Variants in IST1 observed in about 807,000 individuals in gnomAD.
IST1 encodes IST1 homolog.
IST1 carries 23 observed loss-of-function variants against 37.0 expected under a neutral mutation model. The ratio of observed to expected loss-of-function variants is 0.62; its 90% CI spans 0.45 to 0.88. The LOEUF (loss-of-function observed/expected upper bound fraction) is 0.88, where lower values mean the gene tolerates loss of function less well. Ranked by LOEUF, IST1 falls within the 40% of genes least tolerant of loss-of-function variation. The pLI, the probability that IST1 is intolerant of heterozygous loss-of-function variation, is 0.00. For synonymous variants in IST1, 180 were observed against 161.7 expected, an observed-to-expected ratio of 1.11 and a Z score of -0.86; for missense variants, 488 against 445.4, an observed-to-expected ratio of 1.10 and a Z score of -0.86.
chr16:71,897,202 C>A (rs1370635776), intron 1 of IST1, among the ~76,000 whole-genome samples: 1 of 124,084 alleles, frequency 8.1e-6, no homozygotes, highest in East Asian at 2.5e-4. Flanking sequence ...TGGTCGGGGT[C>A]GGGAGGGGAG....
Position 71,929,684 on chromosome 16 carries a change from T to C in IST1, c.*1871T>C, listed in dbSNP as rs777879576. 3 of 1,529,074 alleles carry C rather than the reference T, an allele frequency of 2.0e-6. No individual in the cohort carries two copies. The highest frequency in any genetic ancestry group is 2.6e-6 in the Non-Finnish European group (3 of 1,139,216). The allele number at this position is 1,529,074 out of a possible 1,614,324, so 94.7% of individuals were successfully genotyped here. The stretch of plus-strand genomic sequence containing the variant: ...TCTATTAGTGCAGCTTCTTTCTGAG[T>C]ATTGAAGACAAAAAGAGAAAAGTGA... On this transcript the variant is annotated 3_prime_UTR_variant, in exon 10 of 10. Transcript: ENST00000378799.
chr16:71,929,510 A>G lies in IST1; in HGVS notation c.*1697A>G. 6.5e-7 allele frequency: 1 copy of G among 1,535,840 alleles called. No homozygotes were observed. Among genetic ancestry groups the G allele is most frequent in the South Asian group, 1.2e-5 (1 of 81,108 alleles). On this transcript the variant is annotated 3_prime_UTR_variant, in exon 10 of 10. Coordinates refer to ENST00000378799, the MANE Select transcript of IST1 (RefSeq NM_001270975.2). Reference sequence around the variant, plus strand: ...AAGATAAGTAGTAATACGCTAATAAATACTAAGCCAAGTAGGAGATAACAG... The same window carrying G: ...AAGATAAGTAGTAATACGCTAATAAGTACTAAGCCAAGTAGGAGATAACAG...
intron 1 of IST1, among the ~76,000 whole-genome samples, chr16:71,906,466 C>A (rs1478839942): frequency 6.6e-6 from 1 of 151,684 alleles, no homozygotes; most frequent in Non-Finnish European, 1.5e-5. Flanking sequence ...CGCCACCACG[C>A]CCAGCTAATT....
At chr16:71,904,268 CT>C (rs1354577631) in intron 1 of IST1, among the ~76,000 whole-genome samples, 1 of 152,110 alleles carries the variant, frequency 6.6e-6, no homozygotes, top group Non-Finnish European at 1.5e-5. Context: ...GGATTACAGG[CT>C]TATGCCACCA....
rs1567473778 is a variant in IST1, at chr16:71,923,396, T to C, written c.852+16T>C. 1 of 1,511,926 alleles carries C rather than the reference T, an allele frequency of 6.6e-7. No homozygotes were observed. Among genetic ancestry groups the C allele is most frequent in the South Asian group, 1.1e-5 (1 of 88,748 alleles). The allele number at this position is 1,511,926 out of a possible 1,614,324, so 93.7% of individuals were successfully genotyped here. ...GTATGAATCTGTAAGTGCCTGAGCC[T>C]CTTTTATAAGCAACAGGAGAGTGAA... On this transcript the variant is annotated intron_variant, in intron 8 of 9. Coordinates refer to ENST00000378799, the MANE Select transcript of IST1 (RefSeq NM_001270975.2).
At position 71,930,089 on chromosome 16, in the gene IST1, A is replaced by G. The variant is rs1264075205; in HGVS notation, c.*2276A>G. On this transcript the variant is annotated 3_prime_UTR_variant, in exon 10 of 10. Transcript: ENST00000378799. ...TCTTTCTTTTCCAAAGGCCATGAGAATGGCCGAAACGAAAAGATTAATTAC... is the reference window on the plus strand; with the variant it reads ...TCTTTCTTTTCCAAAGGCCATGAGAGTGGCCGAAACGAAAAGATTAATTAC... The G allele has an allele frequency of 6.4e-7, 1 of 1,551,362 alleles. No individual in the cohort carries two copies. Among genetic ancestry groups the G allele is most frequent in the Non-Finnish European group, 8.7e-7 (1 of 1,146,850 alleles).
intron 1 of IST1, among the ~76,000 whole-genome samples, chr16:71,912,370 TG>T (rs1284197914): frequency 6.6e-6 from 1 of 152,112 alleles, no homozygotes; most frequent in Non-Finnish European, 1.5e-5. Context: ...CCTGAGAAGC[TG>T]GGACTACAGG....
chr16:71,906,027 A>G (rs1226380537), intron 1 of IST1, among the ~76,000 whole-genome samples: 2 of 144,482 alleles, frequency 1.4e-5, no homozygotes, highest in African/African-American at 5.1e-5. Flanking sequence ...TTTTGGAGAC[A>G]GAATCTCACT....
At chr16:71,898,202 C>T (rs1264833074) in intron 1 of IST1, among the ~76,000 whole-genome samples, 4 of 150,682 alleles carry the variant, frequency 2.7e-5, no homozygotes, top group Non-Finnish European at 5.9e-5. Flanking sequence ...TGGTAAAACC[C>T]CTTCTCTACT....
intron 8 of IST1, chr16:71,924,274 T>G: frequency 2.3e-6 from 1 of 432,684 alleles, no homozygotes; most frequent in Non-Finnish European, 4.6e-6. Context: ...TAAAGTTGTC[T>G]TAGTATGGTA....
intron 1 of IST1, among the ~76,000 whole-genome samples, chr16:71,913,514 T>C (rs972010512): frequency 6.6e-6 from 1 of 152,190 alleles, no homozygotes; most frequent in South Asian, 2.1e-4. Flanking sequence ...TGTTTGTTTG[T>C]TTTTGAGACA....
In IST1 at chr16:71,927,607, T is replaced by C. The variant is rs759632580; in HGVS notation, c.902-7T>C. On this transcript the variant is annotated splice_region_variant and splice_polypyrimidine_tract_variant and intron_variant, in intron 9 of 9. Transcript: ENST00000378799. ...ATTTGTAACGTTGTGCTCCTTGCCC[T>C]AATTAGGTCCTGGACCCAAGCCAGA... 9.3e-6 allele frequency: 15 copies of C among 1,608,308 alleles called. No homozygotes were observed. The highest frequency in any genetic ancestry group is 1.3e-5 in the Non-Finnish European group (15 of 1,174,904).
At position 71,902,152 on chromosome 16, in the gene IST1, C is replaced by T. The variant is rs1363341290; in HGVS notation, c.-16+6563C>T. 3.9e-5 allele frequency among the ~76,000 whole-genome samples: 6 copies of T among 152,122 alleles called. No individual in the cohort carries two copies. The East Asian group carries it at 7.7e-4, about 19-fold the overall frequency. Reference sequence around the variant, plus strand: ...ATTTTCACTTAATTCTCATACCAGCCCAAGAGGTGTGAAGGTTCATGTAAT... The same window carrying T: ...ATTTTCACTTAATTCTCATACCAGCTCAAGAGGTGTGAAGGTTCATGTAAT... On this transcript the variant is annotated intron_variant, in intron 1 of 9. Coordinates refer to ENST00000378799, the MANE Select transcript of IST1 (RefSeq NM_001270975.2).
In IST1 at chr16:71,915,617, T is replaced by C; in HGVS notation, c.-15-9T>C. On this transcript the variant is annotated splice_polypyrimidine_tract_variant and intron_variant, in intron 1 of 9. Coordinates refer to ENST00000378799, the MANE Select transcript of IST1 (RefSeq NM_001270975.2). The stretch of plus-strand genomic sequence containing the variant: ...TTGAAAATAGTCATTGTGCTTCTTC[T>C]GTTTCTAGGAGGAACAGCACAGCAT... 1.3e-6 allele frequency: 2 copies of C among 1,590,318 alleles called. No individual in the cohort carries two copies. Among genetic ancestry groups the C allele is most frequent in the South Asian group, 1.1e-5 (1 of 88,122 alleles).
intron 1 of IST1, among the ~76,000 whole-genome samples, chr16:71,898,742 G>T (rs1187079387): frequency 6.6e-6 from 1 of 151,642 alleles, no homozygotes; most frequent in Non-Finnish European, 1.5e-5. Context: ...ACTTTGGGAG[G>T]CCAAGGCGGG....
intron 5 of IST1, 52 bp downstream of exon 5, chr16:71,920,874 G>A (rs1377640631): frequency 7.8e-7 from 1 of 1,280,714 alleles, no homozygotes; most frequent in Admixed American, 1.7e-5. Flanking sequence ...GCAGTTTATT[G>A]TACTGCTTGT....
intron 1 of IST1, among the ~76,000 whole-genome samples, chr16:71,900,327 C>CTTTTTTTTTTTTTTTTT (rs201344260): frequency 3.0e-5 from 3 of 100,470 alleles, no homozygotes; most frequent in African/African-American, 8.7e-5. Context: ...CTTAGGAAGT[C>CTTTTTTTTTTTTTTTTT]TTTTTTTTTT....
At chr16:71,898,390 A>G (rs1045677683) in intron 1 of IST1, among the ~76,000 whole-genome samples, 1 of 137,152 alleles carries the variant, frequency 7.3e-6, no homozygotes, top group African/African-American at 2.6e-5. Context: ...AAAAAAAAAG[A>G]AACTCTCTTG....
intron 1 of IST1, among the ~76,000 whole-genome samples, chr16:71,909,466 A>G (rs2037303656): frequency 6.6e-6 from 1 of 152,172 alleles, no homozygotes; most frequent in African/African-American, 2.4e-5. Flanking sequence ...CACAAAATGC[A>G]TACATGCGTC....
Sources: allele counts gnomAD v4.1 joint callset (sites outside exome capture counted in the v4.1 genomes callset), GRCh38; gene constraint gnomAD v4.1.1; transcripts MANE v1.5; gene names NCBI Gene and HGNC (gene_info 2026-07-23, HGNC 2026-07-21).